The following CD22 variants were observed in gnomAD, a reference collection of about 807,000 sequenced individuals.
CD22 encodes B-cell receptor CD22.
A neutral mutation model predicts 94.7 loss-of-function variants in CD22; 51 were observed. The observed-to-expected ratio is 0.54, with a 90% CI of 0.43 to 0.68. The LOEUF is 0.68. CD22 is among the 30% of genes least tolerant of loss of function. CD22 has a pLI of 0.00. For missense variants in CD22, 931 were observed against 1,060.4 expected, an observed-to-expected ratio of 0.88 and a Z score of 1.69; for synonymous variants, 424 against 422.5, an observed-to-expected ratio of 1.00 and a Z score of -0.04.
rs1320751735 is a variant in CD22, at chr19:35,341,163, G to T, written c.1507+25G>T. 1.2e-6 allele frequency: 2 copies of T among 1,612,758 alleles called. No homozygotes were observed. Among genetic ancestry groups the T allele is most frequent in the Non-Finnish European group, 1.7e-6 (2 of 1,178,832 alleles). On this transcript the variant is annotated intron_variant, in intron 7 of 13. Coordinates refer to ENST00000085219, the MANE Select transcript of CD22 (RefSeq NM_001771.4). This position sits in a 1 kb window ranked among gnomAD's most constrained non-coding sequence, Gnocchi z 4.0. ...TGTGAGTCCCTGGGCTAGGCAGGGG[G>T]ATCTGGGAGGTGGCCCGGCTGGGAT... is the stretch of plus-strand genomic sequence containing the variant.
chr19:35,339,601 ATCCC>A (rs1568488062), intron 6 of CD22, among the ~76,000 whole-genome samples: 1 of 152,108 alleles, frequency 6.6e-6, no homozygotes, highest in Non-Finnish European at 1.5e-5. Flanking sequence ...TACGCCTGTA[ATCCC>A]AGCACTTTGG....
intron 9 of CD22, 68 bp downstream of exon 9, chr19:35,342,033 C>T (rs2066820056): frequency 1.7e-6 from 2 of 1,147,494 alleles, no homozygotes; most frequent in Admixed American, 2.4e-5. Context: ...TTCCTTCCTT[C>T]CTTCCTTCCT....
rs1340367224 is a variant in CD22, at chr19:35,332,648, T to C, written c.136T>C (p.Tyr46His). 2.5e-6 allele frequency: 4 copies of C among 1,614,104 alleles called. No homozygotes were observed. Among genetic ancestry groups the C allele is most frequent in the Non-Finnish European group, 1.7e-6 (2 of 1,180,028 alleles). ...GGCCTGCGTCTGGATCCCCTGCACC[T>C]ACAGAGCCCTAGATGGTGACCTGGA... ...EGACVWIPCT[Y>H]RALDGDLESF... The change falls in exon 3 of 14, where the codon TAC (tyrosine) becomes CAC (histidine). Residue 46 changes from tyrosine to histidine, a missense_variant. Transcript: ENST00000085219.
chr19:35,332,336 G>A lies in CD22; in HGVS notation c.35-211G>A, dbSNP rs923860866. 6.2e-5 allele frequency: 40 copies of A among 645,240 alleles called. No homozygotes were observed. In the African/African-American group the frequency reaches 6.4e-4, roughly 10 times the overall value. The allele number at this position is 645,240 out of a possible 1,614,324, so 40.0% of individuals were successfully genotyped here. A position where few individuals can be genotyped will look rare whatever the true frequency, so the allele number is the denominator to read the frequency against. On this transcript the variant is annotated intron_variant, in intron 2 of 13. Transcript: ENST00000085219. ...TAGTCTTTAGAAAGCTCTCTGCTGG[G>A]TGCAGTGGCTCATGCCTGAAATCTC... is the stretch of plus-strand genomic sequence containing the variant.
At position 35,332,000 on chromosome 19, in the gene CD22, C is replaced by G. The variant is rs2066652274; in HGVS notation, c.-22-19C>G. Reference sequence around the variant, plus strand: ...AGTAAGCGGCCAGATGGCTCAAAGACAAACTCTCCCCTGCTCAGGCTTGCA... The same window carrying G: ...AGTAAGCGGCCAGATGGCTCAAAGAGAAACTCTCCCCTGCTCAGGCTTGCA... On this transcript the variant is annotated intron_variant, in intron 1 of 13. Coordinates refer to ENST00000085219, the MANE Select transcript of CD22 (RefSeq NM_001771.4). 1 of 1,613,530 alleles carries G rather than the reference C, an allele frequency of 6.2e-7. No individual in the cohort carries two copies. Among genetic ancestry groups the G allele is most frequent in the African/African-American group, 1.3e-5 (1 of 74,878 alleles).
Position 35,332,090 on chromosome 19 carries a change from T to C in CD22, c.34+16T>C, listed in dbSNP as rs1599671521. ...CTGCTCCTGGGTAAGGACTGTGGCC[T>C]GGGCTAGTACTGGGGTTCTGGGATG... On this transcript the variant is annotated intron_variant, in intron 2 of 13. Transcript: ENST00000085219. 6.2e-7 allele frequency: 1 copy of C among 1,613,822 alleles called. No individual in the cohort carries two copies. Among genetic ancestry groups the C allele is most frequent in the Non-Finnish European group, 8.5e-7 (1 of 1,179,866 alleles).
chr19:35,344,780 G>A, intron 9 of CD22, 49 bp from the exon 10 acceptor site: 2 of 1,397,998 alleles, frequency 1.4e-6, no homozygotes, highest in Non-Finnish European at 2.0e-6. Context: ...AAGGCTGCCA[G>A]GGAGAGCTGG....
At chr19:35,329,564 A>C in intron 1 of CD22, 1 of 228,812 alleles carries the variant, frequency 4.4e-6, no homozygotes, top group East Asian at 8.9e-5. Flanking sequence ...GTGCATAATA[A>C]CTGCTGTCCC....
chr19:35,339,204 CT>C, intron 6 of CD22, among the ~76,000 whole-genome samples: 1 of 152,244 alleles, frequency 6.6e-6, no homozygotes, highest in African/African-American at 2.4e-5. Flanking sequence ...TGCTACTGCA[CT>C]CTAGCCTGGG....
chr19:35,338,218 G>A lies in CD22; in HGVS notation c.1036G>A (p.Gly346Arg). Residue 346 changes from glycine to arginine, a missense_variant, in exon 6 of 14, where the codon GGA (glycine) becomes AGA (arginine). Physicochemically the swap from Gly to Arg is moderately radical, Grantham distance 125. Coordinates refer to ENST00000085219, the MANE Select transcript of CD22 (RefSeq NM_001771.4). Reference sequence around the variant, plus strand: ...GATCCTCCACTCACCGGCTGTGGAGGGAAGTCAAGTCGAGTTTCTTTGCAT... The same window carrying A: ...GATCCTCCACTCACCGGCTGTGGAGAGAAGTCAAGTCGAGTTTCTTTGCAT... ...VQILHSPAVEGSQVEFLCMSL... is the reference protein window; with the variant it reads ...VQILHSPAVERSQVEFLCMSL... 1 of 1,614,222 alleles carries A rather than the reference G, an allele frequency of 6.2e-7. No individual in the cohort carries two copies. The highest frequency in any genetic ancestry group is 8.5e-7 in the Non-Finnish European group (1 of 1,180,030).
At chr19:35,335,721 G>C (rs888176632) in intron 3 of CD22, among the ~76,000 whole-genome samples, 6 of 151,972 alleles carry the variant, frequency 3.9e-5, no homozygotes, top group South Asian at 2.1e-4. Flanking sequence ...TGGGTGTGGT[G>C]GTGGGCACCT....
At chr19:35,333,948 G>C (rs2066681513) in intron 3 of CD22, among the ~76,000 whole-genome samples, 1 of 152,142 alleles carries the variant, frequency 6.6e-6, no homozygotes, top group Admixed American at 6.5e-5. Flanking sequence ...AGCTCTTCAA[G>C]GTCAGATGAC....
chr19:35,332,382 T>A, intron 2 of CD22, 165 bp from the exon 3 acceptor site: 1 of 735,960 alleles, frequency 1.4e-6, no homozygotes, highest in Non-Finnish European at 2.1e-6. Context: ...GAGGCTGAGG[T>A]GGGAGGATCA....
At chr19:35,333,069 G>A in intron 3 of CD22, 145 bp downstream of exon 3, 2 of 797,500 alleles carry the variant, frequency 2.5e-6, no homozygotes, top group Non-Finnish European at 3.9e-6. Context: ...TGGCGATGCA[G>A]CAGCACTAGA....
At chr19:35,339,218 A>G (rs748816714) in intron 6 of CD22, among the ~76,000 whole-genome samples, 4 of 152,050 alleles carry the variant, frequency 2.6e-5, no homozygotes, top group Non-Finnish European at 5.9e-5. Flanking sequence ...AGCCTGGGTG[A>G]CAGAGCAAGA....
intron 6 of CD22, among the ~76,000 whole-genome samples, chr19:35,339,055 C>T (rs552239782): frequency 4.2e-4 from 63 of 151,514 alleles, no homozygotes; most frequent in African/African-American, 1.5e-3. Context: ...GGCCACACAG[C>T]GAGATACCAT....
rs1386722886 is a variant in CD22, at chr19:35,344,897, G to A, written c.2104G>A (p.Ala702Thr). 4 of 1,613,926 alleles carry A rather than the reference G, an allele frequency of 2.5e-6. No homozygotes were observed. The highest frequency in any genetic ancestry group is 1.3e-5 in the African/African-American group (1 of 74,924). The change falls in exon 10 of 14, where the codon GCA becomes ACA. Residue 702 changes from alanine to threonine, a missense_variant. Coordinates refer to ENST00000085219, the MANE Select transcript of CD22 (RefSeq NM_001771.4). The part of the protein sequence containing the change: ...LGSCLAILIL[A>T]ICGLKLQRRW... ...GTCCTGCCTCGCCATCCTCATCCTG[G>A]CAATCTGTGGGCTCAAGCTCCAGCG...
At chr19:35,344,120 C>T (rs1368130196) in intron 9 of CD22, among the ~76,000 whole-genome samples, 2 of 152,170 alleles carry the variant, frequency 1.3e-5, no homozygotes, top group Non-Finnish European at 2.9e-5. Context: ...CGCTTGAACC[C>T]GGGAGGCAGA....
chr19:35,346,746 A>C lies in CD22; in HGVS notation c.*49A>C. The C allele has an allele frequency of 6.5e-7, 1 of 1,536,914 alleles. No individual in the cohort carries two copies. ...CACTGGGGGCAGCGGGGGCCAGGGA[A>C]GTCCCCGAGTTTCCCCAGACACCGC... On this transcript the variant is annotated 3_prime_UTR_variant, in exon 14 of 14. Transcript: ENST00000085219.
Sources: gnomAD v4.1 joint callset for allele counts (sites outside exome capture counted in the v4.1 genomes callset) on GRCh38, gnomAD v4.1.1 for gene constraint, Gnocchi (gnomAD v3.1) non-coding constraint, MANE v1.5 for transcripts, NCBI Gene and HGNC (gene_info 2026-07-23, HGNC 2026-07-21) for gene names.